The following SLC4A4 variants were observed in gnomAD, a reference collection of about 807,000 sequenced individuals.
The protein encoded by SLC4A4 is electrogenic sodium bicarbonate cotransporter 1.
A neutral mutation model predicts 111.5 loss-of-function variants in SLC4A4; 27 were observed. The ratio of observed to expected loss-of-function variants is 0.24; its 90% confidence interval spans 0.18 to 0.33. The LOEUF is 0.33. SLC4A4 is among the 10% of genes least tolerant of loss of function. The pLI, the probability that SLC4A4 is intolerant of heterozygous loss-of-function variation, is 1.00. For synonymous variants in SLC4A4, 443 were observed against 463.4 expected (o/e 0.96, Z 0.57); for missense variants, 909 against 1,315.5 (o/e 0.69, Z 4.78).
intron 2 of SLC4A4, among the ~76,000 whole-genome samples, chr4:71,173,547 A>G (rs1259547293): frequency 3.3e-5 from 5 of 151,930 alleles, no homozygotes; most frequent in Admixed American, 3.3e-4. Flanking sequence ...CGCCAGGCTA[A>G]TTTTTGTATT....
intron 6 of SLC4A4, among the ~76,000 whole-genome samples, chr4:71,358,707 CT>C (rs373340395): frequency 1.3e-5 from 2 of 150,878 alleles, no homozygotes; most frequent in African/African-American, 4.9e-5. Context: ...TCTCCCCTGG[CT>C]TTTTTTTTGT....
chr4:71,392,870 C>T (rs907928703), intron 6 of SLC4A4, among the ~76,000 whole-genome samples: 2 of 151,906 alleles, frequency 1.3e-5, no homozygotes, highest in African/African-American at 2.4e-5. Context: ...ATATGTAAGT[C>T]AATAAATGTG....
intron 1 of SLC4A4, among the ~76,000 whole-genome samples, chr4:71,230,202 T>C (rs1165465619): frequency 1.3e-5 from 2 of 152,200 alleles, no homozygotes; most frequent in African/African-American, 2.4e-5. Flanking sequence ...TCAGTACTGA[T>C]TGTTATATTC....
intron 15 of SLC4A4, among the ~76,000 whole-genome samples, chr4:71,490,315 G>C (rs111913379): frequency 1.3e-4 from 19 of 151,864 alleles, no homozygotes; most frequent in African/African-American, 4.6e-4. Context: ...TTAGTATTTT[G>C]TTTTTCCACA....
intron 1 of SLC4A4, among the ~76,000 whole-genome samples, chr4:71,073,193 G>A (rs1439740116): frequency 6.6e-6 from 1 of 151,150 alleles, no homozygotes; most frequent in African/African-American, 2.4e-5. Flanking sequence ...TTCCCTTTAA[G>A]TTTAACAACT....
At chr4:71,229,169 T>C (rs563663470) in intron 1 of SLC4A4, among the ~76,000 whole-genome samples, 5 of 152,232 alleles carry the variant, frequency 3.3e-5, no homozygotes, top group Admixed American at 6.5e-5. Context: ...TGTAACCTTT[T>C]GGGATGAGCT....
intron 4 of SLC4A4, among the ~76,000 whole-genome samples, chr4:71,347,562 C>G (rs1484349502): frequency 6.6e-6 from 1 of 152,130 alleles, no homozygotes. Flanking sequence ...CTAATCACCT[C>G]CCAAAGGGCC....
intron 6 of SLC4A4, among the ~76,000 whole-genome samples, chr4:71,373,392 G>C (rs910828208): frequency 2.0e-5 from 3 of 152,188 alleles, no homozygotes; most frequent in African/African-American, 7.2e-5. Context: ...AAGAATTCTT[G>C]GGAGAGACAG....
intron 8 of SLC4A4, among the ~76,000 whole-genome samples, chr4:71,446,829 T>C (rs1026443326): frequency 6.6e-6 from 1 of 152,236 alleles, no homozygotes; most frequent in African/African-American, 2.4e-5. Flanking sequence ...TTTTTCTTAC[T>C]CATTTACTCA....
At chr4:71,322,776 A>G (rs995044505) in intron 3 of SLC4A4, among the ~76,000 whole-genome samples, 4 of 152,104 alleles carry the variant, frequency 2.6e-5, no homozygotes, top group Non-Finnish European at 5.9e-5. Flanking sequence ...GTCCTTCAGG[A>G]AAAGGTTGCT....
At chr4:71,434,607 T>C (rs1021078629) in intron 7 of SLC4A4, 4 of 152,016 alleles carry the variant, frequency 2.6e-5, no homozygotes, top group African/African-American at 4.8e-5. Context: ...CCTCTTAAGA[T>C]TATTCAAAGA....
At chr4:71,461,953 C>T (rs759510419) in intron 12 of SLC4A4, among the ~76,000 whole-genome samples, 4 of 152,166 alleles carry the variant, frequency 2.6e-5, no homozygotes, top group Non-Finnish European at 4.4e-5. Flanking sequence ...CCGCCTAAGA[C>T]TTTTCTGTTG....
rs1321295615 is a variant in SLC4A4 at position 71,255,536 on chromosome 4, T to C, written c.253+137T>C. 7.2e-6 allele frequency: 7 copies of C among 966,358 alleles called. No individual in the cohort carries two copies. In the East Asian group the frequency reaches 1.7e-4, roughly 23 times the overall value. The allele number at this position is 966,358 out of a possible 1,614,324, so 59.9% of individuals were successfully genotyped here. ...GTTTAGAATCTGTTCTAAAGGATAA[T>C]GTCTGTGGAGATGCTTTGCTTGTAC... On this transcript the variant is annotated intron_variant, in intron 3 of 25. Coordinates refer to ENST00000264485, the MANE Select transcript of SLC4A4 (RefSeq NM_001098484.3).
chr4:71,197,741 T>C (rs925694647), intron 1 of SLC4A4, among the ~76,000 whole-genome samples: 1 of 152,186 alleles, frequency 6.6e-6, no homozygotes, highest in Admixed American at 6.5e-5. Context: ...AAAAAAGATT[T>C]ATAAGGAATA....
chr4:71,441,449 C>G (rs918862293), intron 8 of SLC4A4, among the ~76,000 whole-genome samples: 1 of 150,680 alleles, frequency 6.6e-6, no homozygotes, highest in Admixed American at 6.6e-5. Context: ...GTGCTGCAGA[C>G]AGTTTAAAGA....
chr4:71,168,580 T>C (rs1473991525), intron 2 of SLC4A4, among the ~76,000 whole-genome samples: 2 of 152,114 alleles, frequency 1.3e-5, no homozygotes, highest in Non-Finnish European at 2.9e-5. Context: ...TTTGTACCCA[T>C]TAGCCCTCCC....
At chr4:71,534,922 T>G (rs962928862) in intron 18 of SLC4A4, among the ~76,000 whole-genome samples, 1 of 152,166 alleles carries the variant, frequency 6.6e-6, no homozygotes, top group African/African-American at 2.4e-5. Flanking sequence ...AATCAGTTAT[T>G]AACTTTGTTA....
At chr4:71,377,620 A>C (rs758415064) in intron 6 of SLC4A4, among the ~76,000 whole-genome samples, 10 of 152,140 alleles carry the variant, frequency 6.6e-5, no homozygotes, top group Non-Finnish European at 1.5e-4. Context: ...TACTCATGCT[A>C]CTATATGTGT....
Position 71,131,256 on chromosome 4 carries a change from CCTTT to C in SLC4A4, c.-2+38467_-2+38470del, listed in dbSNP as rs1743694259. Among the ~76,000 whole-genome samples, 7 of 152,260 alleles carry C rather than the reference CCTTT, an allele frequency of 4.6e-5. No homozygotes were observed. The South Asian group carries it at 1.5e-3, about 32-fold the overall frequency. On this transcript the variant is annotated intron_variant, in intron 2 of 26. Transcript: ENST00000649996. ...CTTTTTAAGCATCCTTCTGTTTGCT[CCTTT>C]CTGTTTTGTCTGTTTCTGAAGTGCA...
Sources: gnomAD v4.1 joint callset for allele counts (sites outside exome capture counted in the v4.1 genomes callset) on GRCh38, gnomAD v4.1.1 for gene constraint, MANE v1.5 for transcripts, NCBI Gene and HGNC (gene_info 2026-07-23, HGNC 2026-07-21) for gene names.